Variants in MOSPD2 observed in about 807,000 individuals in gnomAD.
MOSPD2 encodes motile sperm domain containing 2.
A neutral mutation model predicts 41.7 loss-of-function variants in MOSPD2; 5 were observed. The ratio of observed to expected loss-of-function variants is 0.12; its 90% CI spans 0.06 to 0.25. The LOEUF is 0.25. Among genes scored for constraint, MOSPD2 ranks in the 10% least tolerant of loss-of-function variants. The pLI is 1.00. For missense variants in MOSPD2, 282 were observed against 375.2 expected, an observed-to-expected ratio of 0.75 and a Z score of 2.05; for synonymous variants, 115 against 126.9, an observed-to-expected ratio of 0.91 and a Z score of 0.63.
Position 14,873,832 on chromosome X carries a change from G to A in MOSPD2, c.79+74G>A, listed in dbSNP as rs775100333. 9.7e-5 allele frequency: 86 copies of A among 884,783 alleles called. 1 individual carries two copies. The African/African-American group carries it at 1.4e-3, about 14-fold the overall frequency. The allele number at this position is 884,783 out of a possible 1,213,427, so 72.9% of individuals were successfully genotyped here. A position where few individuals can be genotyped will look rare whatever the true frequency, so the allele number is the denominator to read the frequency against. On this transcript the variant is annotated intron_variant, in intron 2 of 14. Coordinates refer to ENST00000380492, the MANE Select transcript of MOSPD2 (RefSeq NM_152581.4). The stretch of plus-strand genomic sequence containing the variant: ...CAACTTTGCTGGAGTGTTTGTGAGT[G>A]TATTTGTGGGAGGTGTTAGGGACCC...
intron 4 of MOSPD2, 31 bp downstream of exon 4, chrX:14,895,425 T>C (rs775190181): frequency 1.1e-6 from 1 of 880,027 alleles, no homozygotes; most frequent in Admixed American, 2.5e-5. Flanking sequence ...TTCTGGCTTT[T>C]CAAGATTTTG....
chrX:14,891,288 C>A (rs1469843839), intron 2 of MOSPD2, among the ~76,000 whole-genome samples: 2 of 111,510 alleles, frequency 1.8e-5, no homozygotes. Flanking sequence ...AAGGAAGGTT[C>A]AGTTACAGAA....
chrX:14,919,925 A>G lies in MOSPD2; in HGVS notation c.*116A>G, dbSNP rs2092606643. 6.4e-6 allele frequency: 7 copies of G among 1,097,936 alleles called. No individual in the cohort carries two copies. Among genetic ancestry groups the G allele is most frequent in the African/African-American group, 3.7e-5 (2 of 53,823 alleles). 90.5% of individuals were successfully genotyped at this position (1,097,936 alleles called of 1,213,427 possible). ...TGCACATCTGTGCTTCCTAAAAGGA[A>G]ATATGCAGCACGTGGAGGGGAACAC... On this transcript the variant is annotated 3_prime_UTR_variant, in exon 15 of 15. Transcript: ENST00000380492.
intron 7 of MOSPD2, among the ~76,000 whole-genome samples, chrX:14,905,629 G>A (rs1474105086): frequency 9.1e-6 from 1 of 110,443 alleles, no homozygotes; most frequent in Non-Finnish European, 1.9e-5. Context: ...AAGTAGCTGG[G>A]ACTATAGGCA....
At chrX:14,881,303 A>T (rs1466969132) in intron 2 of MOSPD2, among the ~76,000 whole-genome samples, 2 of 109,609 alleles carry the variant, frequency 1.8e-5, no homozygotes, top group Non-Finnish European at 3.8e-5. Flanking sequence ...AAGGAGACAA[A>T]GTGGTTAGAG....
At chrX:14,913,087 A>T (rs767497756) in intron 10 of MOSPD2, among the ~76,000 whole-genome samples, 46 of 112,105 alleles carry the variant, frequency 4.1e-4, no homozygotes, top group Non-Finnish European at 8.1e-4. Context: ...GATTACTGTT[A>T]TATTTGGATT....
chrX:14,905,616 C>T (rs192968132), intron 7 of MOSPD2, among the ~76,000 whole-genome samples: 2 of 110,934 alleles, frequency 1.8e-5, no homozygotes, highest in East Asian at 5.7e-4. Flanking sequence ...GCCTCAGCCT[C>T]CCAAGTAGCT....
chrX:14,912,387 A>G, intron 10 of MOSPD2, 26 bp downstream of exon 10: 1 of 965,391 alleles, frequency 1.0e-6, no homozygotes, highest in Non-Finnish European at 1.4e-6. Context: ...TTTATTAGCT[A>G]TAATTTTATA....
At chrX:14,917,913 C>G (rs888778666) in intron 13 of MOSPD2, among the ~76,000 whole-genome samples, 14 of 111,689 alleles carry the variant, frequency 1.3e-4, no homozygotes, top group African/African-American at 3.9e-4. Context: ...CAGTGAAATT[C>G]CTGAGAAGGC....
chrX:14,878,332 C>T (rs929731684), intron 2 of MOSPD2, among the ~76,000 whole-genome samples: 17 of 111,808 alleles, frequency 1.5e-4, no homozygotes, highest in Admixed American at 4.7e-4. Flanking sequence ...TCATTCCTGC[C>T]GGCTTGTAGG....
intron 3 of MOSPD2, 146 bp downstream of exon 3, chrX:14,893,024 T>C: frequency 2.4e-6 from 1 of 424,334 alleles, no homozygotes; most frequent in Non-Finnish European, 4.0e-6. Context: ...AGTAATATTT[T>C]CAAAGGAACA....
intron 7 of MOSPD2, among the ~76,000 whole-genome samples, chrX:14,907,036 A>G: frequency 8.9e-6 from 1 of 112,188 alleles, no homozygotes; most frequent in Non-Finnish European, 1.9e-5. Flanking sequence ...AAAAAAAACA[A>G]GTAACCCAAT....
At position 14,911,452 on chromosome X, in the gene MOSPD2, T is replaced by C. The variant is rs1469149494; in HGVS notation, c.879+39T>C. The C allele has an allele frequency of 5.9e-6, 6 of 1,020,914 alleles. No homozygotes were observed. The South Asian group carries it at 1.2e-4, about 20-fold the overall frequency. 84.1% of individuals were successfully genotyped at this position (1,020,914 alleles called of 1,213,427 possible). On this transcript the variant is annotated intron_variant, in intron 9 of 14. Transcript: ENST00000380492. Reference sequence around the variant, plus strand: ...TAAAATGAAACTGAATCACAAGATGTGGTCTATCCCCAATTCTGACACTAG... The same window carrying C: ...TAAAATGAAACTGAATCACAAGATGCGGTCTATCCCCAATTCTGACACTAG...
intron 2 of MOSPD2, among the ~76,000 whole-genome samples, chrX:14,889,455 T>C (rs2092549501): frequency 9.0e-6 from 1 of 111,089 alleles, no homozygotes; most frequent in Non-Finnish European, 1.9e-5. Context: ...TCTGTTTCTT[T>C]CTCTGCCTCT....
At chrX:14,918,303 C>T (rs1438394745) in intron 13 of MOSPD2, among the ~76,000 whole-genome samples, 2 of 111,500 alleles carry the variant, frequency 1.8e-5, no homozygotes, top group African/African-American at 6.5e-5. Context: ...TCACTGTTCT[C>T]CTGCAGAAAG....
chrX:14,878,704 CT>C (rs964138010), intron 2 of MOSPD2, among the ~76,000 whole-genome samples: 1 of 110,948 alleles, frequency 9.0e-6, no homozygotes, highest in African/African-American at 3.3e-5. Flanking sequence ...TTTTTTTCTT[CT>C]TTTTTTATTA....
At chrX:14,875,043 G>T (rs1393004978) in intron 2 of MOSPD2, among the ~76,000 whole-genome samples, 2 of 112,037 alleles carry the variant, frequency 1.8e-5, no homozygotes, top group African/African-American at 6.5e-5. Context: ...ATTTATTTAT[G>T]CCCAAGGGAG....
At chrX:14,873,813 T>C (rs1036027213) in intron 2 of MOSPD2, 55 bp downstream of exon 2, 3 of 1,011,464 alleles carry the variant, frequency 3.0e-6, no homozygotes, top group Admixed American at 2.2e-5. Context: ...TCCCCAACTT[T>C]GCTGGAGTGT....
At chrX:14,879,780 C>T (rs1460863399) in intron 2 of MOSPD2, among the ~76,000 whole-genome samples, 1 of 110,888 alleles carries the variant, frequency 9.0e-6, no homozygotes, top group Non-Finnish European at 1.9e-5. Context: ...TTTTAACCAG[C>T]AGTATTTGGG....
Sources: allele counts gnomAD v4.1 joint callset (sites outside exome capture counted in the v4.1 genomes callset), GRCh38; gene constraint gnomAD v4.1.1; transcripts MANE v1.5; gene names NCBI Gene and HGNC (gene_info 2026-07-23, HGNC 2026-07-21).